PCLO: variants seen among roughly 807,000 people sequenced by gnomAD.
PCLO encodes the protein piccolo presynaptic cytomatrix protein, also known as protein piccolo.
A neutral mutation model predicts 427.5 loss-of-function variants in PCLO; 82 were observed. The observed-to-expected ratio is 0.19, with a 90% CI of 0.16 to 0.23. PCLO has a LOEUF of 0.23. Ranked by LOEUF, PCLO falls within the 10% of genes least tolerant of loss-of-function variation. The probability of loss-of-function intolerance (pLI) is 1.00; values close to 1 mark genes in which losing one functional copy is unlikely to be tolerated. For synonymous variants in PCLO, 2,357 were observed against 2,155.4 expected (o/e 1.09, Z -2.59); for missense variants, 6,239 against 6,115.9 (o/e 1.02, Z -0.67).
intron 3 of PCLO, among the ~76,000 whole-genome samples, chr7:83,107,016 C>T (rs1790874352): frequency 6.6e-6 from 1 of 152,104 alleles, no homozygotes; most frequent in Non-Finnish European, 1.5e-5. Flanking sequence ...TTAAGACCAT[C>T]TATAAGCCTG....
At chr7:83,124,775 C>G (rs1029172230) in intron 3 of PCLO, among the ~76,000 whole-genome samples, 9 of 152,046 alleles carry the variant, frequency 5.9e-5, no homozygotes, top group Non-Finnish European at 1.2e-4. Context: ...CCTCGTCTCC[C>G]TCTCCCGCTT....
Position 82,916,348 on chromosome 7 carries a change from G to A in PCLO, c.11638C>T (p.Pro3880Ser), listed in dbSNP as rs1554352082. The change falls in exon 7 of 25, where the codon CCT becomes TCT. Residue 3880 changes from proline (P) to serine (S), a missense_variant. This residue lies in a region of PCLO where 680 missense variants were observed against 677.3 expected (regional missense o/e 1.00). Transcript: ENST00000333891. The stretch of plus-strand genomic sequence containing the variant: ...TATTGTGTGTAAGGACTTGTCGGAG[G>A]AACTAGTTGAGATTCTGTTTGGGTT... ...PQTQTESQLV[P>S]PTSPYTQYQY... 6.2e-7 allele frequency: 1 copy of A among 1,613,718 alleles called. No homozygotes were observed.
intron 22 of PCLO, among the ~76,000 whole-genome samples, chr7:82,790,569 C>T (rs1283381758): frequency 1.3e-5 from 2 of 152,168 alleles, no homozygotes; most frequent in African/African-American, 2.4e-5. Flanking sequence ...ATCCTTCCTA[C>T]AGCAGAGTAC....
chr7:82,994,341 T>C (rs1796445189), intron 3 of PCLO, among the ~76,000 whole-genome samples: 1 of 151,960 alleles, frequency 6.6e-6, no homozygotes, highest in South Asian at 2.1e-4. Context: ...AAGTCCTCTG[T>C]GTTATGGAAA....
At chr7:83,049,995 G>A (rs2116255326) in intron 3 of PCLO, among the ~76,000 whole-genome samples, 1 of 149,820 alleles carries the variant, frequency 6.7e-6, no homozygotes, top group Non-Finnish European at 1.5e-5. Flanking sequence ...TTCTTCATAT[G>A]ATCTTCCGCT....
At chr7:83,034,106 T>C (rs945994559) in intron 3 of PCLO, among the ~76,000 whole-genome samples, 2 of 152,198 alleles carry the variant, frequency 1.3e-5, no homozygotes, top group Non-Finnish European at 2.9e-5. Flanking sequence ...AAACATCTCT[T>C]ACTATAATCT....
chr7:83,130,620 C>A (rs1791547490), intron 3 of PCLO, among the ~76,000 whole-genome samples: 1 of 151,986 alleles, frequency 6.6e-6, no homozygotes, highest in Admixed American at 6.6e-5. Context: ...AATATATATG[C>A]TTTTTAATGT....
At chr7:83,122,272 CTTTCT>C (rs1791300524) in intron 3 of PCLO, among the ~76,000 whole-genome samples, 2 of 124,746 alleles carry the variant, frequency 1.6e-5, no homozygotes, top group Admixed American at 8.0e-5. Flanking sequence ...TTCCTTCTTT[CTTTCT>C]TTTCTTTTCT....
chr7:82,952,159 A>C lies in PCLO; in HGVS notation c.8794T>G (p.Leu2932Val), dbSNP rs1795367829. The change falls in exon 5 of 25, where the codon TTA (leucine) becomes GTA (valine). Residue 2932 changes from leucine to valine, a missense_variant. Transcript: ENST00000333891. ...KIIEDEKPVD[L>V]TAGRRAVCCD... is the part of the protein sequence containing the mutation. ...CACACAGCTCTTCTCCCTGCGGTTA[A>C]ATCAACGGGTTTTTCATCTTCTATT... 6.5e-7 allele frequency: 1 copy of C among 1,547,762 alleles called. No individual in the cohort carries two copies.
intron 3 of PCLO, among the ~76,000 whole-genome samples, chr7:83,082,162 A>G (rs774130705): frequency 1.3e-5 from 2 of 151,438 alleles, no homozygotes; most frequent in Non-Finnish European, 3.0e-5. Context: ...ATCCTCAACA[A>G]TAAAAATTTT....
intron 3 of PCLO, among the ~76,000 whole-genome samples, chr7:83,065,433 G>T (rs1400535778): frequency 2.1e-5 from 3 of 144,368 alleles, no homozygotes; most frequent in Non-Finnish European, 3.0e-5. Context: ...TTGTGGGGGA[G>T]TTTTTTTTTC....
intron 3 of PCLO, among the ~76,000 whole-genome samples, chr7:83,067,273 T>A (rs1789692237): frequency 1.3e-5 from 2 of 152,156 alleles, no homozygotes; most frequent in Admixed American, 1.3e-4. Context: ...TTAATGAGAT[T>A]ACACATGAAA....
intron 3 of PCLO, among the ~76,000 whole-genome samples, chr7:83,000,489 C>A (rs1211820028): frequency 6.6e-6 from 1 of 151,990 alleles, no homozygotes; most frequent in Admixed American, 6.6e-5. Flanking sequence ...GGACCAGTTT[C>A]ATGCAAGACA....
chr7:82,843,030 T>C (rs892044042), intron 13 of PCLO, among the ~76,000 whole-genome samples: 2 of 152,088 alleles, frequency 1.3e-5, no homozygotes, highest in Admixed American at 1.3e-4. Flanking sequence ...AGCTACCATA[T>C]GATCCAGCAA....
At chr7:83,093,929 C>T (rs1790459357) in intron 3 of PCLO, among the ~76,000 whole-genome samples, 1 of 150,330 alleles carries the variant, frequency 6.7e-6, no homozygotes. Context: ...GTATCTCTTA[C>T]CCATTTCCTC....
In PCLO at chr7:82,965,936, T is replaced by A. The variant is rs1402856258; in HGVS notation, c.3852A>T (p.Thr1284=). The A allele has an allele frequency of 6.2e-6, 10 of 1,613,968 alleles. No individual in the cohort carries two copies. In the African/African-American group the frequency reaches 6.7e-5, roughly 11 times the overall value. ...TCTGTGGTTGTTTCCCTTCTTGCAC[T>A]GTCTTTGGAGCCACTCTGCCTTCAA... The part of the protein sequence containing the change: ...EKLEGRVAPK[T]VQEGKQPQTK... The change falls in exon 4 of 25, where the codon ACA becomes ACT. Residue 1284 remains threonine (T), a synonymous_variant. Coordinates refer to ENST00000333891, the MANE Select transcript of PCLO (RefSeq NM_033026.6).
At chr7:82,771,789 T>TAA (rs1314130802) in intron 22 of PCLO, among the ~76,000 whole-genome samples, 2 of 152,036 alleles carry the variant, frequency 1.3e-5, no homozygotes, top group Non-Finnish European at 2.9e-5. Context: ...GGAGTGGTTA[T>TAA]TTATGGGGAG....
intron 6 of PCLO, among the ~76,000 whole-genome samples, chr7:82,945,500 C>A (rs2116399889): frequency 6.6e-6 from 1 of 152,236 alleles, no homozygotes; most frequent in African/African-American, 2.4e-5. Flanking sequence ...AAAATGAGGT[C>A]ATTAGAGTAG....
chr7:82,915,563 G>T lies in PCLO; in HGVS notation c.12423C>A (p.His4141Gln). The stretch of plus-strand genomic sequence containing the variant: ...GGTAATAATGAGAAAGACCAGCAAG[G>T]TGATCTAAGCTCTCTGTCCCTCTAC... ...EFRRGTESLDHLAGLSHYYHA... is the reference protein window; with the variant it reads ...EFRRGTESLDQLAGLSHYYHA... Residue 4141 changes from histidine (H) to glutamine (Q), a missense_variant, in exon 7 of 25, where the codon CAC becomes CAA. Physicochemically the swap from His to Gln is conservative, Grantham distance 24. Coordinates refer to ENST00000333891, the MANE Select transcript of PCLO (RefSeq NM_033026.6). 1 of 1,613,636 alleles carries T rather than the reference G, an allele frequency of 6.2e-7. No homozygotes were observed. Among genetic ancestry groups the T allele is most frequent in the Non-Finnish European group, 8.5e-7 (1 of 1,179,698 alleles).
Sources: allele counts gnomAD v4.1 joint callset (sites outside exome capture counted in the v4.1 genomes callset), GRCh38; gene constraint gnomAD v4.1.1; regional missense constraint gnomAD v4.1.1; transcripts MANE v1.5; gene names NCBI Gene and HGNC (gene_info 2026-07-23, HGNC 2026-07-21).